SVIL: variants seen among roughly 807,000 people sequenced by gnomAD.
The protein encoded by SVIL is supervillin.
SVIL carries 101 observed loss-of-function variants against 240.4 expected under a neutral mutation model. The observed-to-expected ratio is 0.42, with a 90% CI of 0.36 to 0.50. The LOEUF (loss-of-function observed/expected upper bound fraction) is 0.50. Among genes scored for constraint, SVIL ranks in the 20% least tolerant of loss-of-function variants. The pLI is 0.01. For synonymous variants in SVIL, 999 were observed against 1,100.0 expected (o/e 0.91, Z 1.82); for missense variants, 2,512 against 2,818.7 (o/e 0.89, Z 2.46).
intron 17 of SVIL, among the ~76,000 whole-genome samples, chr10:29,506,605 A>AG (rs1949294051): frequency 1.3e-5 from 2 of 148,612 alleles, no homozygotes; most frequent in South Asian, 2.2e-4. Context: ...CTGGGGAGAC[A>AG]AGGCCCTAGA....
At chr10:29,664,691 T>TAC (rs4018670) in intron 2 of SVIL, among the ~76,000 whole-genome samples, 38,245 of 150,278 alleles carry the variant, frequency 0.25, 5,817 homozygotes, top group African/African-American at 0.43. Context: ...TATATATATA[T>TAC]ACACACACAC....
chr10:29,549,149 T>G, intron 6 of SVIL, among the ~76,000 whole-genome samples: 1 of 136,564 alleles, frequency 7.3e-6, no homozygotes, highest in African/African-American at 2.8e-5. Context: ...GAATCTACAA[T>G]GAACTCAAAC....
At position 29,486,153 on chromosome 10, in the gene SVIL, C is replaced by G; in HGVS notation, c.4711G>C (p.Asp1571His). Residue 1571 changes from aspartate (D) to histidine (H), a missense_variant, in exon 26 of 38, where the codon GAC (aspartate) becomes CAC (histidine). Transcript: ENST00000355867. ...ETNCIYRLMD[D>H]KLVPDDDYWG... The stretch of plus-strand genomic sequence containing the variant: ...TAGTCGTCATCAGGAACAAGTTTGT[C>G]ATCCATGAGACGGTAAATGCAGTTA... 1 of 1,614,178 alleles carries G rather than the reference C, an allele frequency of 6.2e-7. No individual in the cohort carries two copies. The highest frequency in any genetic ancestry group is 8.5e-7 in the Non-Finnish European group (1 of 1,180,040).
chr10:29,599,209 T>G (rs1332059103), intron 1 of SVIL, among the ~76,000 whole-genome samples: 1 of 152,146 alleles, frequency 6.6e-6, no homozygotes, highest in Non-Finnish European at 1.5e-5. Flanking sequence ...TCTGGGCAAG[T>G]AAGAGATGAG....
rs192638789 is a variant in SVIL at position 29,576,597 on chromosome 10, T to G, written c.-200-7285A>C. The stretch of plus-strand genomic sequence containing the variant: ...TCTTTTTCTGTCACCCAGGCTGAAG[T>G]GCAGTGGTGTGACCATAGTTCACTG... On this transcript the variant is annotated intron_variant, in intron 1 of 37. Coordinates refer to ENST00000355867, the MANE Select transcript of SVIL (RefSeq NM_021738.3). Among the ~76,000 whole-genome samples the G allele has an allele frequency of 2.2e-3, 332 of 152,300 alleles. 2 individuals carry two copies. The highest frequency in any genetic ancestry group is 5.0e-3 in the Admixed American group (76 of 15,296).
chr10:29,467,345 G>A (rs573256019), intron 33 of SVIL: 59 of 159,690 alleles, frequency 3.7e-4, no homozygotes, highest in South Asian at 2.0e-3. Flanking sequence ...CAGCTATGAG[G>A]AAAGAAAGAA....
intron 33 of SVIL, among the ~76,000 whole-genome samples, chr10:29,466,665 AG>A (rs1333325588): frequency 3.3e-5 from 5 of 152,248 alleles, no homozygotes; most frequent in Non-Finnish European, 1.5e-5. Context: ...ACAGTATAAC[AG>A]AATATCTCAC....
chr10:29,713,065 G>C (rs887061357), intron 1 of SVIL, among the ~76,000 whole-genome samples: 1 of 152,046 alleles, frequency 6.6e-6, no homozygotes, highest in Non-Finnish European at 1.5e-5. Context: ...TATAATCCCA[G>C]CTACTCAGGA....
intron 1 of SVIL, among the ~76,000 whole-genome samples, chr10:29,597,854 TCA>T (rs988267428): frequency 2.6e-5 from 4 of 152,004 alleles, no homozygotes; most frequent in African/African-American, 9.6e-5. Context: ...TCAGGGTAAC[TCA>T]CATCTCTGCC....
chr10:29,523,960 G>T lies in SVIL; in HGVS notation c.2654C>A (p.Thr885Lys), dbSNP rs147809341. Residue 885 changes from threonine to lysine, a missense_variant, in exon 15 of 38, where the codon ACG becomes AAG. Physicochemically the swap from Thr to Lys is moderately conservative, Grantham distance 78 (BLOSUM62 -1). Around this residue, in one of 3 missense-constraint regions of SVIL, gnomAD observed 1,443 missense variants for 1,486.6 expected, o/e 0.97. Coordinates refer to ENST00000355867, the MANE Select transcript of SVIL (RefSeq NM_021738.3). Reference sequence around the variant, plus strand: ...ATCTCCGGCATACATTGGAGCAACCGTGGATGCTACGGTAGACACTGATGT... The same window carrying T: ...ATCTCCGGCATACATTGGAGCAACCTTGGATGCTACGGTAGACACTGATGT... ...VNTSVSTVAS[T>K]VAPMYAGDLR... The T allele has an allele frequency of 6.2e-7, 1 of 1,614,162 alleles. No individual in the cohort carries two copies. The highest frequency in any genetic ancestry group is 8.5e-7 in the Non-Finnish European group (1 of 1,180,022).
chr10:29,663,399 T>A (rs543608352), intron 2 of SVIL, among the ~76,000 whole-genome samples: 1 of 152,334 alleles, frequency 6.6e-6, no homozygotes, highest in Admixed American at 6.5e-5. Flanking sequence ...TTTTTGTTTT[T>A]TTCTTTTGAG....
chr10:29,646,070 T>C (rs1958645063), intron 3 of SVIL, among the ~76,000 whole-genome samples: 1 of 152,246 alleles, frequency 6.6e-6, no homozygotes, highest in Non-Finnish European at 1.5e-5. Context: ...GTTTGTGAAC[T>C]GCTGTTCATC....
intron 18 of SVIL, 112 bp downstream of exon 18, chr10:29,499,004 T>G: frequency 6.4e-6 from 9 of 1,408,598 alleles, no homozygotes; most frequent in Non-Finnish European, 7.6e-6. Flanking sequence ...AAAAAGACCA[T>G]GGTTTCTTCT....
intron 34 of SVIL, among the ~76,000 whole-genome samples, chr10:29,464,240 CA>C (rs1564450458): frequency 6.6e-6 from 1 of 151,686 alleles, no homozygotes; most frequent in Non-Finnish European, 1.5e-5. Flanking sequence ...GGTTGAAGAC[CA>C]GCCTGGGCCA....
intron 30 of SVIL, among the ~76,000 whole-genome samples, chr10:29,473,007 C>T (rs1033698383): frequency 3.3e-5 from 5 of 152,020 alleles, no homozygotes; most frequent in Non-Finnish European, 5.9e-5. Context: ...GGGGTACATA[C>T]GTAGAGGCAG....
chr10:29,594,556 T>C (rs1033239706), intron 1 of SVIL, among the ~76,000 whole-genome samples: 2 of 116,290 alleles, frequency 1.7e-5, no homozygotes, highest in Admixed American at 9.8e-5. Flanking sequence ...CTTAATTTTT[T>C]TTCTTTTTTT....
intron 1 of SVIL, among the ~76,000 whole-genome samples, chr10:29,609,317 C>T (rs533772513): frequency 1.3e-5 from 2 of 152,332 alleles, no homozygotes; most frequent in African/African-American, 4.8e-5. Context: ...GGGGCCCAGA[C>T]CTCAGAGCTG....
intron 18 of SVIL, among the ~76,000 whole-genome samples, chr10:29,495,711 C>T (rs1948388587): frequency 6.6e-6 from 1 of 152,066 alleles, no homozygotes; most frequent in Non-Finnish European, 1.5e-5. Flanking sequence ...ACCGACTGTG[C>T]GTGTTGGAAG....
intron 1 of SVIL, among the ~76,000 whole-genome samples, chr10:29,624,764 C>A (rs1957801318): frequency 6.6e-6 from 1 of 152,120 alleles, no homozygotes; most frequent in Admixed American, 6.5e-5. Context: ...GCTTAGAAAA[C>A]TCTCTCCTTT....
Sources: allele counts gnomAD v4.1 joint callset (sites outside exome capture counted in the v4.1 genomes callset), GRCh38; gene constraint gnomAD v4.1.1; regional missense constraint gnomAD v4.1.1; transcripts MANE v1.5; gene names NCBI Gene and HGNC (gene_info 2026-07-23, HGNC 2026-07-21).